The following CAMK4 variants were observed in gnomAD, a reference collection of about 807,000 sequenced individuals.
CAMK4 encodes the protein calcium/calmodulin-dependent protein kinase type IV.
CAMK4 carries 22 observed loss-of-function variants against 44.9 expected under a neutral mutation model. The ratio of observed to expected loss-of-function variants is 0.49; its 90% confidence interval spans 0.35 to 0.70. The LOEUF is 0.70. CAMK4 is among the 30% of genes least tolerant of loss of function. CAMK4 has a pLI of 0.01. For missense variants in CAMK4, 498 were observed against 586.8 expected (o/e 0.85, Z 1.56); for synonymous variants, 218 against 215.4 (o/e 1.01, Z -0.11).
rs370263397 is a variant in CAMK4 at position 111,492,725 on chromosome 5, C to T, written c.*8259C>T. ...TTCCCTGTGAACTTTCACTGAGAAA[C>T]TATTATATGCCATGGAGGAGTCAAA... On this transcript the variant is annotated 3_prime_UTR_variant, in exon 11 of 11. Coordinates refer to ENST00000282356, the MANE Select transcript of CAMK4 (RefSeq NM_001744.6). The T allele has an allele frequency of 5.9e-5, 9 of 152,306 alleles. No homozygotes were observed. The highest frequency in any genetic ancestry group is 2.2e-4 in the African/African-American group (9 of 41,572). The allele number at this position is 152,306 out of a possible 1,614,324, so 9.4% of individuals were successfully genotyped here. A position where few individuals can be genotyped will look rare whatever the true frequency, so the allele number is the denominator to read the frequency against.
chr5:111,422,852 G>A (rs2112921080), intron 5 of CAMK4, among the ~76,000 whole-genome samples: 1 of 152,254 alleles, frequency 6.6e-6, no homozygotes, highest in Admixed American at 6.5e-5. Flanking sequence ...TGCTCAGTTT[G>A]TAGCACTTAC....
At chr5:111,292,373 A>G (rs1747307560) in intron 1 of CAMK4, among the ~76,000 whole-genome samples, 1 of 152,116 alleles carries the variant, frequency 6.6e-6, no homozygotes, top group South Asian at 2.1e-4. Context: ...GTATGAATGT[A>G]TGTGTACATA....
intron 5 of CAMK4, among the ~76,000 whole-genome samples, chr5:111,401,227 C>A (rs369948790): frequency 6.6e-6 from 1 of 152,140 alleles, no homozygotes; most frequent in Non-Finnish European, 1.5e-5. Flanking sequence ...CAAGCTCTGC[C>A]TCCTGGGTTC....
chr5:111,347,578 C>A (rs1749921247), intron 2 of CAMK4, among the ~76,000 whole-genome samples: 1 of 151,884 alleles, frequency 6.6e-6, no homozygotes, highest in Non-Finnish European at 1.5e-5. Flanking sequence ...CTGGCAGTCC[C>A]CTAAGTGGGG....
chr5:111,489,881 G>T lies in CAMK4; in HGVS notation c.*5415G>T, dbSNP rs540032010. The T allele has an allele frequency of 1.8e-4, 27 of 152,248 alleles. No individual in the cohort carries two copies. The highest frequency in any genetic ancestry group is 3.2e-4 in the Non-Finnish European group (22 of 68,032). The allele number at this position is 152,248 out of a possible 1,614,324, so 9.4% of individuals were successfully genotyped here. A position where few individuals can be genotyped will look rare whatever the true frequency, so the allele number is the denominator to read the frequency against. ...ATCAGTGTTTTGTTCCATCCCTATG[G>T]TCATCTCTAAAGCCCTGACAGGAGC... On this transcript the variant is annotated 3_prime_UTR_variant, in exon 11 of 11. Transcript: ENST00000282356.
intron 1 of CAMK4, among the ~76,000 whole-genome samples, chr5:111,242,597 C>A (rs1011310285): frequency 6.6e-6 from 1 of 152,062 alleles, no homozygotes; most frequent in Admixed American, 6.6e-5. Context: ...TAATGTCACT[C>A]CCCTGCCTAA....
At chr5:111,294,258 A>G (rs887145538) in intron 1 of CAMK4, among the ~76,000 whole-genome samples, 1 of 152,204 alleles carries the variant, frequency 6.6e-6, no homozygotes, top group Non-Finnish European at 1.5e-5. Context: ...TGATTGAGTC[A>G]TGGGCTTATA....
rs1422777536 is a variant in CAMK4 at position 111,376,846 on chromosome 5, A to T, written c.304-14A>T. On this transcript the variant is annotated splice_polypyrimidine_tract_variant and intron_variant, in intron 3 of 10. Transcript: ENST00000282356. ...AGAAATTTGTGATATTCTTTTTTTT[A>T]TATCTTTCCCTAGATAAAACTTAAA... 1 of 1,463,452 alleles carries T rather than the reference A, an allele frequency of 6.8e-7. No homozygotes were observed. The highest frequency in any genetic ancestry group is 1.4e-5 in the African/African-American group (1 of 71,088). The allele number at this position is 1,463,452 out of a possible 1,614,324, so 90.7% of individuals were successfully genotyped here. A position where few individuals can be genotyped will look rare whatever the true frequency, so the allele number is the denominator to read the frequency against.
chr5:111,443,263 TATATATATATATATATACACAC>T (rs1328016716), intron 5 of CAMK4, among the ~76,000 whole-genome samples: 14 of 45,848 alleles, frequency 3.1e-4, no homozygotes, highest in African/African-American at 1.1e-3. Context: ...TATATATATA[TATATATATATATATATACACAC>T]ACACACACAC....
intron 1 of CAMK4, chr5:111,270,016 C>T (rs1750436100): frequency 6.6e-6 from 1 of 152,438 alleles, no homozygotes; most frequent in Admixed American, 6.5e-5. Context: ...CCTGCAATCA[C>T]CAGGACCAGA....
At chr5:111,418,140 G>T (rs564855087) in intron 5 of CAMK4, among the ~76,000 whole-genome samples, 80 of 152,168 alleles carry the variant, frequency 5.3e-4, no homozygotes, top group South Asian at 2.5e-3. Context: ...AGAAATAAAG[G>T]GACAGAGTAC....
intron 7 of CAMK4, among the ~76,000 whole-genome samples, chr5:111,466,825 CAG>C (rs1019869930): frequency 7.8e-6 from 1 of 127,496 alleles, no homozygotes; most frequent in Non-Finnish European, 1.8e-5. Context: ...TCATTTATCA[CAG>C]AGTTAGAAAA....
chr5:111,248,834 G>C (rs919763533), intron 1 of CAMK4, among the ~76,000 whole-genome samples: 1 of 152,110 alleles, frequency 6.6e-6, no homozygotes, highest in African/African-American at 2.4e-5. Flanking sequence ...ATCAAATCAT[G>C]TTGTGGTTAG....
intron 5 of CAMK4, among the ~76,000 whole-genome samples, chr5:111,420,181 AG>A (rs1752972385): frequency 6.6e-6 from 1 of 151,602 alleles, no homozygotes; most frequent in South Asian, 2.1e-4. Context: ...TTGGATTCCT[AG>A]GTATTTTATT....
chr5:111,343,297 T>G (rs1041759147), intron 1 of CAMK4, among the ~76,000 whole-genome samples: 2 of 151,750 alleles, frequency 1.3e-5, no homozygotes, highest in Non-Finnish European at 2.9e-5. Context: ...CTTCAAAGTC[T>G]GACAAGTTTA....
At chr5:111,346,482 T>TTATCTGTCTATC (rs148693533) in intron 2 of CAMK4, among the ~76,000 whole-genome samples, 92 of 150,032 alleles carry the variant, frequency 6.1e-4, no homozygotes, top group Non-Finnish European at 9.2e-4. Flanking sequence ...GCTTGAAACT[T>TTATCTGTCTATC]TATCTATCTA....
At chr5:111,371,771 A>C (rs1751013807) in intron 2 of CAMK4, among the ~76,000 whole-genome samples, 1 of 152,182 alleles carries the variant, frequency 6.6e-6, no homozygotes, top group Admixed American at 6.6e-5. Context: ...CAAAGCACAT[A>C]GATGTCAGTA....
intron 2 of CAMK4, among the ~76,000 whole-genome samples, chr5:111,353,701 A>G (rs994576493): frequency 1.3e-5 from 2 of 151,216 alleles, no homozygotes; most frequent in Non-Finnish European, 1.5e-5. Flanking sequence ...ATTTCTATAC[A>G]CTAACAACAA....
rs995084979 is a variant in CAMK4, at chr5:111,271,471, C to T, written c.161+46827C>T. 2.5e-4 allele frequency among the ~76,000 whole-genome samples: 38 copies of T among 152,116 alleles called. 1 individual carries two copies. Among genetic ancestry groups the T allele is most frequent in the African/African-American group, 8.9e-4 (37 of 41,412 alleles). On this transcript the variant is annotated intron_variant, in intron 1 of 10. Transcript: ENST00000282356. ...AGTTGCTGAAGCAAAATTGAATGCA[C>T]ACCTACATTTTCACCATGATTCTTC...
Sources: allele counts gnomAD v4.1 joint callset (sites outside exome capture counted in the v4.1 genomes callset), GRCh38; gene constraint gnomAD v4.1.1; transcripts MANE v1.5; gene names NCBI Gene and HGNC (gene_info 2026-07-23, HGNC 2026-07-21).